Variants in ALK observed in about 807,000 individuals in gnomAD.
The protein encoded by ALK is ALK receptor tyrosine kinase, also known as ALK tyrosine kinase receptor.
Under a neutral mutation model 163.1 loss-of-function variants are expected in ALK, and 74 were observed. The ratio of observed to expected loss-of-function variants is 0.45; its 90% confidence interval spans 0.38 to 0.55. ALK has a LOEUF of 0.55. Ranked by LOEUF, ALK falls within the 20% of genes least tolerant of loss-of-function variation. ALK has a pLI of 0.00. For synonymous variants in ALK, 960 were observed against 843.2 expected (o/e 1.14, Z -2.40); for missense variants, 2,063 against 2,105.3 (o/e 0.98, Z 0.39).
chr2:29,444,260 T>G (rs1486956305), intron 4 of ALK, among the ~76,000 whole-genome samples: 2 of 152,078 alleles, frequency 1.3e-5, no homozygotes, highest in Admixed American at 6.5e-5. Flanking sequence ...GGCAGGAACA[T>G]GAAGGAAACT....
intron 2 of ALK, among the ~76,000 whole-genome samples, chr2:29,704,279 C>G (rs1678833565): frequency 6.6e-6 from 1 of 152,164 alleles, no homozygotes; most frequent in African/African-American, 2.4e-5. Context: ...TCAGTGGCCA[C>G]TAATCTTGAG....
At position 29,591,049 on chromosome 2, in the gene ALK, A is replaced by C. The variant is rs1399780901; in HGVS notation, c.953-58933T>G. 3.0e-3 allele frequency among the ~76,000 whole-genome samples: 355 copies of C among 117,506 alleles called. 1 individual carries two copies. Among genetic ancestry groups the C allele is most frequent in the African/African-American group, 0.011 (338 of 30,404 alleles). The allele number at this position is 117,506 out of a possible 152,430, so 77.1% of individuals were successfully genotyped here. On this transcript the variant is annotated intron_variant, in intron 3 of 28. Coordinates refer to ENST00000389048, the MANE Select transcript of ALK (RefSeq NM_004304.5). ...TCGCGCCACCGCACTCCAACCTGGG[A>C]GACACAGCGAGACTCCGTCTCAAAA...
At chr2:29,461,886 GA>G (rs1029117214) in intron 4 of ALK, among the ~76,000 whole-genome samples, 54 of 146,708 alleles carry the variant, frequency 3.7e-4, no homozygotes, top group African/African-American at 1.2e-3. Context: ...AACTCTTCTG[GA>G]AAAAAAAAAG....
Position 29,239,803 on chromosome 2 carries a change from C to G in ALK, c.2232G>C (p.Gly744=). The change falls in exon 13 of 29, where the codon GGG becomes GGC. Residue 744 remains glycine (G), a synonymous_variant. Coordinates refer to ENST00000389048, the MANE Select transcript of ALK (RefSeq NM_004304.5). ...GCATCATGGTGTTCTTCCCGCCTTTCCCGCCAGCAGCTCCGTAGCCCGAGA... is the reference window on the plus strand; with the variant it reads ...GCATCATGGTGTTCTTCCCGCCTTTGCCGCCAGCAGCTCCGTAGCCCGAGA... The part of the protein sequence containing the change: ...YSISGYGAAG[G]KGGKNTMMRS... The G allele has an allele frequency of 6.2e-7, 1 of 1,613,864 alleles. No homozygotes were observed. The highest frequency in any genetic ancestry group is 8.5e-7 in the Non-Finnish European group (1 of 1,179,974).
intron 1 of ALK, among the ~76,000 whole-genome samples, chr2:29,842,708 G>A (rs1473832352): frequency 1.3e-5 from 2 of 152,144 alleles, no homozygotes; most frequent in Admixed American, 6.5e-5. Flanking sequence ...GAGCAGGCAG[G>A]GCTCATTTCT....
chr2:29,217,513 G>C (rs909106368), intron 23 of ALK, among the ~76,000 whole-genome samples: 1 of 151,342 alleles, frequency 6.6e-6, no homozygotes, highest in Admixed American at 6.6e-5. Flanking sequence ...CATGCATTTC[G>C]TTTCCACAAC....
chr2:29,568,318 T>C (rs1674252686), intron 3 of ALK, among the ~76,000 whole-genome samples: 1 of 152,248 alleles, frequency 6.6e-6, no homozygotes, highest in Admixed American at 6.5e-5. Context: ...TCACAGTTGA[T>C]TGAACAGAGT....
chr2:29,740,817 C>A (rs1220138816), intron 1 of ALK, among the ~76,000 whole-genome samples: 1 of 152,062 alleles, frequency 6.6e-6, no homozygotes, highest in Non-Finnish European at 1.5e-5. Flanking sequence ...GCCTGGCCAA[C>A]ATAGTGAAAC....
At chr2:29,318,166 A>G (rs1573222809) in intron 8 of ALK, 138 bp downstream of exon 8, 1 of 724,584 alleles carries the variant, frequency 1.4e-6, no homozygotes, top group Non-Finnish European at 2.5e-6. Context: ...TGCCTCGAAG[A>G]TGGCAGAGGT....
chr2:29,197,537 C>T lies in ALK; in HGVS notation c.4073+5G>A, dbSNP rs1325951899. 20 of 1,613,344 alleles carry T rather than the reference C, an allele frequency of 1.2e-5. No individual in the cohort carries two copies. Among genetic ancestry groups the T allele is most frequent in the Non-Finnish European group, 1.7e-5 (20 of 1,180,010 alleles). On this transcript the variant is annotated splice_donor_5th_base_variant and intron_variant, in intron 27 of 28. Coordinates refer to ENST00000389048, the MANE Select transcript of ALK (RefSeq NM_004304.5). ...CTAGCAGAAGTGTTCCTAAAAGAGT[C>T]ATACACAGGCCCAGGGCAGTTCTTG...
intron 18 of ALK, among the ~76,000 whole-genome samples, 175 bp from the exon 19 acceptor site, chr2:29,225,740 G>A (rs1011175681): frequency 2.6e-5 from 4 of 152,168 alleles, no homozygotes; most frequent in Non-Finnish European, 5.9e-5. Context: ...GACTCATCCC[G>A]ATTTGACAGG....
intron 4 of ALK, among the ~76,000 whole-genome samples, chr2:29,487,042 T>C (rs978614657): frequency 1.3e-5 from 2 of 152,216 alleles, no homozygotes; most frequent in Non-Finnish European, 2.9e-5. Flanking sequence ...TATATCAATG[T>C]TTCCAGAAGA....
chr2:29,517,031 A>C (rs1177966569), intron 4 of ALK, among the ~76,000 whole-genome samples: 1 of 149,730 alleles, frequency 6.7e-6, no homozygotes, highest in Admixed American at 6.6e-5. Context: ...AGTCAACAAA[A>C]ATTTATTGAA....
intron 4 of ALK, among the ~76,000 whole-genome samples, chr2:29,417,526 C>G (rs1188243044): frequency 1.3e-5 from 2 of 152,190 alleles, no homozygotes; most frequent in African/African-American, 4.8e-5. Context: ...CAGAGATCCT[C>G]TGTTCTAATC....
At chr2:29,612,140 C>T (rs1165348520) in intron 3 of ALK, among the ~76,000 whole-genome samples, 1 of 152,168 alleles carries the variant, frequency 6.6e-6, no homozygotes, top group East Asian at 1.9e-4. Flanking sequence ...TTCCCCCTCC[C>T]ACTGCCTTCA....
At chr2:29,379,504 T>C (rs1008817242) in intron 5 of ALK, among the ~76,000 whole-genome samples, 17 of 152,114 alleles carry the variant, frequency 1.1e-4, no homozygotes, top group African/African-American at 4.1e-4. Context: ...CCCAAAATGA[T>C]TAAATTGGAA....
chr2:29,843,552 A>G (rs1407425929), intron 1 of ALK, among the ~76,000 whole-genome samples: 2 of 152,202 alleles, frequency 1.3e-5, no homozygotes, highest in Non-Finnish European at 2.9e-5. Context: ...ATACTCCTGC[A>G]GCCTGAGGGT....
intron 6 of ALK, 115 bp downstream of exon 6, chr2:29,328,235 A>G: frequency 6.8e-7 from 1 of 1,469,592 alleles, no homozygotes; most frequent in South Asian, 1.2e-5. Flanking sequence ...AGGAGTCACA[A>G]GTGTCAGTGG....
In ALK at chr2:29,197,600, G is replaced by T. The variant is rs1416439647; in HGVS notation, c.4015C>A (p.Leu1339Met). 6.2e-7 allele frequency: 1 copy of T among 1,613,964 alleles called. No homozygotes were observed. The highest frequency in any genetic ancestry group is 1.7e-5 in the Admixed American group (1 of 60,018). The change falls in exon 27 of 29, where the codon CTG becomes ATG. Residue 1339 changes from leucine to methionine, a missense_variant. By Grantham distance (15) the Leu-to-Met change is conservative. Around this residue, in one of 5 missense-constraint regions of ALK, gnomAD observed 403 missense variants for 366.2 expected, o/e 1.10. Transcript: ENST00000389048. ...PYPSKSNQEV[L>M]EFVTSGGRMD... ...CGGCCTCCACTGGTGACAAACTCCA[G>T]AACTTCCTGGTTGCTTTTGCTGGGG...
Sources: allele counts gnomAD v4.1 joint callset (sites outside exome capture counted in the v4.1 genomes callset), GRCh38; gene constraint gnomAD v4.1.1; regional missense constraint gnomAD v4.1.1; transcripts MANE v1.5; gene names NCBI Gene and HGNC (gene_info 2026-07-23, HGNC 2026-07-21).